The following UBOX5 variants were observed in gnomAD, a reference collection of about 807,000 sequenced individuals.
The protein encoded by UBOX5 is RING finger protein 37.
UBOX5 carries 28 observed loss-of-function variants against 39.0 expected under a neutral mutation model. The ratio of observed to expected loss-of-function variants is 0.72; its 90% CI spans 0.53 to 0.98. The LOEUF is 0.98. Among genes scored for constraint, UBOX5 ranks in the 50% least tolerant of loss-of-function variants. UBOX5 has a pLI of 0.00. For synonymous variants in UBOX5, 283 were observed against 275.5 expected (o/e 1.03, Z -0.27); for missense variants, 585 against 674.4 (o/e 0.87, Z 1.47).
chr20:3,147,911 G>C (rs1390165349), intron 1 of UBOX5: 4 of 1,614,212 alleles, frequency 2.5e-6, no homozygotes, highest in Non-Finnish European at 3.4e-6. Context: ...AACTCCCAGG[G>C]AAGGAATTCG....
At chr20:3,145,899 A>T (rs1156315285) in intron 1 of UBOX5, among the ~76,000 whole-genome samples, 6 of 152,128 alleles carry the variant, frequency 3.9e-5, no homozygotes, top group Admixed American at 1.3e-4. Flanking sequence ...TGCAAAAATT[A>T]GCTGGGCGTG....
At chr20:3,114,238 G>A (rs749038488) in intron 4 of UBOX5, among the ~76,000 whole-genome samples, 6 of 152,186 alleles carry the variant, frequency 3.9e-5, no homozygotes, top group Non-Finnish European at 7.3e-5. Flanking sequence ...TGCCGGAGAT[G>A]TGAGTTTTCA....
At chr20:3,126,420 G>A (rs1009360452) in intron 1 of UBOX5, among the ~76,000 whole-genome samples, 5 of 150,732 alleles carry the variant, frequency 3.3e-5, no homozygotes, top group African/African-American at 9.8e-5. Context: ...CTTTGTTCAC[G>A]TGTTTATCTG....
chr20:3,127,118 T>A (rs989329607), intron 1 of UBOX5, among the ~76,000 whole-genome samples: 1 of 149,262 alleles, frequency 6.7e-6, no homozygotes, highest in Non-Finnish European at 1.5e-5. Flanking sequence ...TTCTGGTAAC[T>A]CTGTGGAGAA....
intron 1 of UBOX5, among the ~76,000 whole-genome samples, chr20:3,126,685 G>C (rs892172448): frequency 6.6e-6 from 1 of 151,364 alleles, no homozygotes; most frequent in Non-Finnish European, 1.5e-5. Context: ...GAGAGGGAGG[G>C]AGGGAAGAAA....
At chr20:3,138,523 C>T (rs993736678) in intron 1 of UBOX5, among the ~76,000 whole-genome samples, 1 of 152,008 alleles carries the variant, frequency 6.6e-6, no homozygotes, top group African/African-American at 2.4e-5. Context: ...GTACTTTTTG[C>T]AGCTGCCAGT....
chr20:3,117,860 C>T (rs560916888), intron 3 of UBOX5, among the ~76,000 whole-genome samples: 287 of 151,910 alleles, frequency 1.9e-3, no homozygotes, highest in African/African-American at 6.6e-3. Context: ...GGCATGGTGG[C>T]GAGCGCCTGT....
chr20:3,141,544 G>T (rs1215368738), intron 1 of UBOX5, among the ~76,000 whole-genome samples: 3 of 152,058 alleles, frequency 2.0e-5, no homozygotes, highest in African/African-American at 7.2e-5. Flanking sequence ...TCCTTGGGAG[G>T]CTTAGGCAGG....
At chr20:3,115,798 G>A (rs529516389) in intron 3 of UBOX5, among the ~76,000 whole-genome samples, 3 of 126,150 alleles carry the variant, frequency 2.4e-5, no homozygotes, top group South Asian at 2.5e-4. Context: ...TTGGTCTGTC[G>A]CCCAGGCTGA....
chr20:3,142,892 GA>G (rs1036036464), intron 1 of UBOX5, among the ~76,000 whole-genome samples: 8 of 150,526 alleles, frequency 5.3e-5, no homozygotes, highest in African/African-American at 2.0e-4. Context: ...GTTTGTATTC[GA>G]TATCTTATTA....
chr20:3,120,928 A>G (rs2066330341), intron 3 of UBOX5, among the ~76,000 whole-genome samples: 1 of 152,134 alleles, frequency 6.6e-6, no homozygotes. Flanking sequence ...ACGGTTAGAA[A>G]TAACACCCAG....
intron 1 of UBOX5, among the ~76,000 whole-genome samples, chr20:3,133,557 A>G (rs546449957): frequency 6.6e-6 from 1 of 152,018 alleles, no homozygotes; most frequent in African/African-American, 2.4e-5. Context: ...TACAGTTTAT[A>G]AGAAAAAAAA....
At chr20:3,140,927 T>G (rs1011233786) in intron 1 of UBOX5, among the ~76,000 whole-genome samples, 1 of 149,728 alleles carries the variant, frequency 6.7e-6, no homozygotes, top group Non-Finnish European at 1.5e-5. Flanking sequence ...TTTTTTTTTT[T>G]TTTTTTTTTT....
intron 3 of UBOX5, among the ~76,000 whole-genome samples, chr20:3,117,268 T>C (rs2066300380): frequency 7.0e-6 from 1 of 142,840 alleles, no homozygotes; most frequent in African/African-American, 2.6e-5. Context: ...AAATCATCAA[T>C]GACACCTGAC....
intron 2 of UBOX5, 87 bp downstream of exon 2, chr20:3,123,225 A>C: frequency 7.0e-7 from 1 of 1,427,188 alleles, no homozygotes; most frequent in South Asian, 1.2e-5. Flanking sequence ...AGTAAGCCTG[A>C]ATCAAATCCA....
intron 1 of UBOX5, among the ~76,000 whole-genome samples, chr20:3,132,903 CTT>C: frequency 6.6e-6 from 1 of 150,804 alleles, no homozygotes; most frequent in East Asian, 1.9e-4. Flanking sequence ...AGGGGGATTG[CTT>C]GAGGTCAGAA....
chr20:3,140,283 C>A (rs562202912), intron 1 of UBOX5, among the ~76,000 whole-genome samples: 8 of 152,110 alleles, frequency 5.3e-5, no homozygotes, highest in Non-Finnish European at 1.2e-4. Context: ...TGGCCTCCCA[C>A]AATGCTGGGA....
At chr20:3,117,095 C>CAA (rs934643476) in intron 3 of UBOX5, among the ~76,000 whole-genome samples, 4 of 140,004 alleles carry the variant, frequency 2.9e-5, no homozygotes, top group Non-Finnish European at 4.7e-5. Context: ...GACTCCATCT[C>CAA]AAAAAAAAAA....
intron 1 of UBOX5, among the ~76,000 whole-genome samples, chr20:3,145,009 TCAC>T (rs1174067968): frequency 1.3e-5 from 2 of 152,068 alleles, no homozygotes; most frequent in Non-Finnish European, 1.5e-5. Flanking sequence ...AATATTAAGT[TCAC>T]CAATTCTGAA....
Sources: gnomAD v4.1 joint callset for allele counts (sites outside exome capture counted in the v4.1 genomes callset) on GRCh38, gnomAD v4.1.1 for gene constraint, MANE v1.5 for transcripts, NCBI Gene and HGNC (gene_info 2026-07-23, HGNC 2026-07-21) for gene names.